The following CADM2 variants were observed in gnomAD, a reference collection of about 807,000 sequenced individuals.
CADM2 encodes the protein immunoglobulin superfamily member 4D.
Under a neutral mutation model 49.8 loss-of-function variants are expected in CADM2, and 12 were observed. The ratio of observed to expected loss-of-function variants is 0.24; its 90% CI spans 0.15 to 0.39. The LOEUF (loss-of-function observed/expected upper bound fraction) is 0.39, where lower values mean the gene tolerates loss of function less well. CADM2 is among the 10% of genes least tolerant of loss of function. CADM2 has a pLI of 1.00. For synonymous variants in CADM2, 214 were observed against 175.4 expected (o/e 1.22, Z -1.74); for missense variants, 378 against 492.3 (o/e 0.77, Z 2.20).
intron 1 of CADM2, among the ~76,000 whole-genome samples, chr3:85,717,327 A>G (rs980498749): frequency 3.9e-5 from 6 of 151,992 alleles, no homozygotes; most frequent in Non-Finnish European, 7.4e-5. Context: ...AATGCTTGTG[A>G]TTTTTGCACA....
chr3:85,863,931 C>T lies in CADM2; in HGVS notation c.239-19360C>T, dbSNP rs1034213939. 1.8e-4 allele frequency among the ~76,000 whole-genome samples: 28 copies of T among 152,066 alleles called. No individual in the cohort carries two copies. In the East Asian group the frequency reaches 4.7e-3, roughly 25 times the overall value. On this transcript the variant is annotated intron_variant, in intron 3 of 9. Coordinates refer to ENST00000383699, the MANE Select transcript of CADM2 (RefSeq NM_001167675.2). ...AGTCCCAGAGAGAGTGGACTGGAGA[C>T]GTGGGAGTTGGTGGTCAGCAAGTAG...
intron 1 of CADM2, among the ~76,000 whole-genome samples, chr3:85,111,820 A>G (rs188280780): frequency 1.3e-5 from 2 of 152,048 alleles, no homozygotes; most frequent in Admixed American, 6.6e-5. Context: ...AGGAAATGCC[A>G]TCAACTTTCA....
rs563624884 is a variant in CADM2, at chr3:85,609,958, A to G, written c.62-116564A>G. On this transcript the variant is annotated intron_variant, in intron 1 of 9. Coordinates refer to ENST00000383699, the MANE Select transcript of CADM2 (RefSeq NM_001167675.2). Reference sequence around the variant, plus strand: ...AAAGAGGCACTACATTTTTTTTTAAACTCCACGATAGAACTGTACACATTT... The same window carrying G: ...AAAGAGGCACTACATTTTTTTTTAAGCTCCACGATAGAACTGTACACATTT... Among the ~76,000 whole-genome samples, 494 of 151,998 alleles carry G rather than the reference A, an allele frequency of 3.3e-3. 4 individuals are homozygous for G. The highest frequency in any genetic ancestry group is 4.8e-3 in the Non-Finnish European group (329 of 67,906).
At chr3:84,960,516 C>T (rs1034904469) in intron 1 of CADM2, 1 of 151,778 alleles carries the variant, frequency 6.6e-6, no homozygotes, top group Non-Finnish European at 1.5e-5. Flanking sequence ...TATATGCTCC[C>T]TAGCAGTTAC....
At chr3:85,152,352 A>T (rs2039951146) in intron 1 of CADM2, among the ~76,000 whole-genome samples, 2 of 152,072 alleles carry the variant, frequency 1.3e-5, no homozygotes, top group Non-Finnish European at 1.5e-5. Flanking sequence ...TGGCCAAAAG[A>T]GACTGTAGTT....
chr3:85,633,691 T>A (rs1365588528), intron 1 of CADM2, among the ~76,000 whole-genome samples: 1 of 152,038 alleles, frequency 6.6e-6, no homozygotes, highest in African/African-American at 2.4e-5. Flanking sequence ...AACCAATCAC[T>A]GTATGCAGAG....
chr3:86,013,764 A>G, intron 8 of CADM2: 2 of 1,590,762 alleles, frequency 1.3e-6, no homozygotes, highest in South Asian at 1.1e-5. Flanking sequence ...TTTGGCTGTG[A>G]AATTTCACAC....
intron 6 of CADM2, 106 bp from the exon 7 acceptor site, chr3:85,935,661 A>G: frequency 4.2e-6 from 2 of 479,758 alleles, no homozygotes; most frequent in South Asian, 1.2e-4. Context: ...ATACACAATT[A>G]TAAATAATAT....
At position 86,018,091 on chromosome 3, in the gene CADM2, T is replaced by C. The variant is rs1472244138; in HGVS notation, c.971-47514T>C. Among the ~76,000 whole-genome samples the C allele has an allele frequency of 4.0e-5, 5 of 125,034 alleles. No individual in the cohort carries two copies. In the South Asian group the frequency reaches 8.8e-4, roughly 22 times the overall value. 82.0% of individuals were successfully genotyped at this position (125,034 alleles called of 152,430 possible). A position where few individuals can be genotyped will look rare whatever the true frequency, so the allele number is the denominator to read the frequency against. On this transcript the variant is annotated intron_variant, in intron 8 of 9. Coordinates refer to ENST00000383699, the MANE Select transcript of CADM2 (RefSeq NM_001167675.2). ...CCCTTCCTGTGTCCATGTGATCTCA[T>C]TGTTCAATTCCCACCTATGAGTGAG...
intron 1 of CADM2, among the ~76,000 whole-genome samples, chr3:85,608,321 A>G (rs1200278719): frequency 6.6e-6 from 1 of 152,176 alleles, no homozygotes; most frequent in Admixed American, 6.6e-5. Context: ...CTATTAATTA[A>G]GTCGCTATGG....
intron 1 of CADM2, among the ~76,000 whole-genome samples, chr3:85,412,774 A>T (rs142335737): frequency 6.6e-6 from 1 of 152,298 alleles, no homozygotes; most frequent in African/African-American, 2.4e-5. Flanking sequence ...TAGTACAGAA[A>T]ACTAGCAAAA....
chr3:85,882,225 C>T (rs1480092174), intron 3 of CADM2, among the ~76,000 whole-genome samples: 2 of 137,060 alleles, frequency 1.5e-5, no homozygotes, highest in African/African-American at 2.7e-5. Context: ...CTGCTCAGAA[C>T]CTCTAGATGG....
chr3:85,408,091 G>T (rs1023731916), intron 1 of CADM2, among the ~76,000 whole-genome samples: 2 of 149,128 alleles, frequency 1.3e-5, no homozygotes, highest in African/African-American at 5.0e-5. Context: ...TAAGATACTA[G>T]AATTGAAGTG....
At chr3:85,576,083 A>G (rs2062625493) in intron 1 of CADM2, among the ~76,000 whole-genome samples, 2 of 152,198 alleles carry the variant, frequency 1.3e-5, no homozygotes, top group African/African-American at 2.4e-5. Flanking sequence ...GCATTTCTAT[A>G]TAGTGAATCA....
At chr3:85,650,918 T>C (rs1406289712) in intron 1 of CADM2, among the ~76,000 whole-genome samples, 1 of 146,994 alleles carries the variant, frequency 6.8e-6, no homozygotes, top group Non-Finnish European at 1.5e-5. Flanking sequence ...GTTATTTGCA[T>C]ACTAGATGCA....
intron 1 of CADM2, among the ~76,000 whole-genome samples, chr3:85,466,407 A>G (rs1576606195): frequency 6.6e-6 from 1 of 152,310 alleles, no homozygotes; most frequent in South Asian, 2.1e-4. Context: ...AAATCTATCC[A>G]TGTGAAACTA....
chr3:85,670,735 T>C (rs886256829), intron 1 of CADM2, among the ~76,000 whole-genome samples: 1 of 152,184 alleles, frequency 6.6e-6, no homozygotes, highest in Admixed American at 6.5e-5. Flanking sequence ...GATAGAGATA[T>C]ATGACACAAA....
intron 5 of CADM2, among the ~76,000 whole-genome samples, chr3:85,897,286 G>A (rs1715359455): frequency 2.8e-5 from 2 of 72,428 alleles, no homozygotes; most frequent in Admixed American, 2.2e-4. Context: ...TTTTTGAGAC[G>A]GAGTCTCGCT....
intron 7 of CADM2, among the ~76,000 whole-genome samples, chr3:85,953,645 G>A (rs1277947154): frequency 6.6e-6 from 1 of 150,794 alleles, no homozygotes; most frequent in African/African-American, 2.4e-5. Flanking sequence ...AAATATTATG[G>A]TTGATGACAT....
Sources: gnomAD v4.1 joint callset for allele counts (sites outside exome capture counted in the v4.1 genomes callset) on GRCh38, gnomAD v4.1.1 for gene constraint, MANE v1.5 for transcripts, NCBI Gene and HGNC (gene_info 2026-07-23, HGNC 2026-07-21) for gene names.